Variants in ESRRB observed in about 807,000 individuals in gnomAD.
ESRRB encodes the protein steroid hormone receptor ERR2.
Under a neutral mutation model 46.0 loss-of-function variants are expected in ESRRB, and 16 were observed. The observed-to-expected ratio is 0.35, with a 90% confidence interval of 0.24 to 0.53. ESRRB has a LOEUF of 0.53. Ranked by LOEUF, ESRRB falls within the 20% of genes least tolerant of loss-of-function variation. ESRRB has a pLI of 0.93. For missense variants in ESRRB, 488 were observed against 607.4 expected, an observed-to-expected ratio of 0.80 and a Z score of 2.07; for synonymous variants, 246 against 259.6, an observed-to-expected ratio of 0.95 and a Z score of 0.50.
rs575631216 is a variant in ESRRB at position 76,410,972 on chromosome 14, C to T, written c.51-28369C>T. On this transcript the variant is annotated intron_variant, in intron 1 of 6. Transcript: ENST00000644823. ...CTAATTTTTGTATTTTTCGCAGAGA[C>T]GGGGTTTTGCCTTGTTGACCAGTCT... is the stretch of plus-strand genomic sequence containing the variant. Among the ~76,000 whole-genome samples the T allele has an allele frequency of 4.0e-5, 6 of 151,614 alleles. No homozygotes were observed. The South Asian group carries it at 1.0e-3, about 27-fold the overall frequency.
chr14:76,391,649 T>C (rs1375127141), intron 1 of ESRRB, among the ~76,000 whole-genome samples: 1 of 152,210 alleles, frequency 6.6e-6, no homozygotes, highest in African/African-American at 2.4e-5. Context: ...CAAGGGCCCA[T>C]CTGGTTCTGA....
chr14:76,473,851 A>G (rs1191776133), intron 3 of ESRRB, among the ~76,000 whole-genome samples: 1 of 152,264 alleles, frequency 6.6e-6, no homozygotes, highest in African/African-American at 2.4e-5. Context: ...AGAGGCCAGC[A>G]GAGGGGGAGC....
At chr14:76,318,884 A>G (rs1309734071) in intron 1 of ESRRB, among the ~76,000 whole-genome samples, 1 of 152,196 alleles carries the variant, frequency 6.6e-6, no homozygotes, top group Non-Finnish European at 1.5e-5. Flanking sequence ...TGAGTCACGG[A>G]TGGCTGACCA....
In ESRRB at chr14:76,347,527, C is replaced by T. The variant is rs1308365852; in HGVS notation, c.2+36611C>T. 6.4e-5 allele frequency among the ~76,000 whole-genome samples: 4 copies of T among 62,576 alleles called. 1 individual carries two copies. The highest frequency in any genetic ancestry group is 1.6e-4 in the African/African-American group (3 of 18,306). The allele number at this position is 62,576 out of a possible 152,430, so 41.1% of individuals were successfully genotyped here. A position where few individuals can be genotyped will look rare whatever the true frequency, so the allele number is the denominator to read the frequency against. ...CAATACTCTAAGCTACTATTATGGA[C>T]GCTAAAGCCAGTGCCTGCAACAGTG... On this transcript the variant is annotated intron_variant, in intron 1 of 6. Transcript: ENST00000512784.
intron 1 of ESRRB, among the ~76,000 whole-genome samples, chr14:76,431,500 C>A (rs181949990): frequency 6.6e-6 from 1 of 152,132 alleles, no homozygotes; most frequent in Non-Finnish European, 1.5e-5. Context: ...CAGGAAGAGC[C>A]CCCCAGCAAG....
At chr14:76,328,262 G>T (rs1212854594) in intron 1 of ESRRB, among the ~76,000 whole-genome samples, 1 of 152,182 alleles carries the variant, frequency 6.6e-6, no homozygotes, top group Non-Finnish European at 1.5e-5. Context: ...GACACTGTGT[G>T]CATTTTAGCA....
chr14:76,497,352 C>T (rs1003070012), intron 6 of ESRRB, among the ~76,000 whole-genome samples: 1 of 152,158 alleles, frequency 6.6e-6, no homozygotes, highest in Admixed American at 6.5e-5. Context: ...GTGCTGATCA[C>T]GCTCTGGGTA....
intron 2 of ESRRB, among the ~76,000 whole-genome samples, chr14:76,450,075 G>A (rs1320612329): frequency 6.6e-6 from 1 of 152,044 alleles, no homozygotes; most frequent in Non-Finnish European, 1.5e-5. Flanking sequence ...AATGAAGCAT[G>A]GTGACAGACT....
At chr14:76,320,024 A>T (rs950403890) in intron 1 of ESRRB, among the ~76,000 whole-genome samples, 6 of 152,180 alleles carry the variant, frequency 3.9e-5, no homozygotes, top group African/African-American at 1.4e-4. Context: ...ATATATGCTC[A>T]TTGGGATATC....
chr14:76,316,545 G>A lies in ESRRB; in HGVS notation c.2+5629G>A, dbSNP rs189177827. Among the ~76,000 whole-genome samples the A allele has an allele frequency of 4.6e-5, 7 of 152,322 alleles. No homozygotes were observed. In the East Asian group the frequency reaches 9.7e-4, roughly 21 times the overall value. On this transcript the variant is annotated intron_variant, in intron 1 of 6. Transcript: ENST00000512784. Reference sequence around the variant, plus strand: ...GTGCCTGGCACATAGTATGTGTTCAGTAAACACATGCAGAGTGAATTGCAG... The same window carrying A: ...GTGCCTGGCACATAGTATGTGTTCAATAAACACATGCAGAGTGAATTGCAG...
At chr14:76,326,433 C>A (rs925872663) in intron 1 of ESRRB, among the ~76,000 whole-genome samples, 1 of 152,166 alleles carries the variant, frequency 6.6e-6, no homozygotes, top group African/African-American at 2.4e-5. Flanking sequence ...GTTAATCTGC[C>A]TCTTTGCACT....
Position 76,498,225 on chromosome 14 carries a change from A to T in ESRRB, c.1132A>T (p.Ile378Phe). 6.2e-7 allele frequency: 1 copy of T among 1,613,764 alleles called. No individual in the cohort carries two copies. Among genetic ancestry groups the T allele is most frequent in the East Asian group, 2.2e-5 (1 of 44,874 alleles). The change falls in exon 7 of 7, where the codon ATC becomes TTC. Residue 378 changes from isoleucine to phenylalanine, a missense_variant. By Grantham distance (21) the Ile-to-Phe change is conservative (BLOSUM62 0). Transcript: ENST00000644823. ...CCTTGTGCCTGCAGATTCCATGTAC[A>T]TCGAGGATCTAGAGGCTGTCCAGAA... Reference protein sequence around the residue: ...LALANSDSMYIEDLEAVQKLQ... With the variant: ...LALANSDSMYFEDLEAVQKLQ...
At chr14:76,441,508 C>T (rs1158083592) in intron 2 of ESRRB, among the ~76,000 whole-genome samples, 1 of 152,110 alleles carries the variant, frequency 6.6e-6, no homozygotes, top group African/African-American at 2.4e-5. Context: ...GATGGAGTCT[C>T]ACCATGTAGC....
intron 1 of ESRRB, among the ~76,000 whole-genome samples, chr14:76,421,289 G>A (rs1253178185): frequency 6.6e-6 from 1 of 152,194 alleles, no homozygotes; most frequent in Non-Finnish European, 1.5e-5. Context: ...ATGGCTTAGA[G>A]GGCAAATCTT....
intron 1 of ESRRB, chr14:76,310,978 T>TTCTCTC (rs68079657): frequency 0.034 from 12,053 of 359,592 alleles, 213 homozygotes; most frequent in East Asian, 0.065. Flanking sequence ...TCTGTCCCCT[T>TTCTCTC]TCTCTCTCTC....
chr14:76,473,412 C>G (rs36092586), intron 3 of ESRRB, among the ~76,000 whole-genome samples: 32,538 of 152,188 alleles, frequency 0.21, 3,789 homozygotes, highest in Middle Eastern at 0.32. Context: ...TGACCTCAGA[C>G]CTGGATAGTA....
intron 1 of ESRRB, among the ~76,000 whole-genome samples, chr14:76,398,720 T>C (rs1425015400): frequency 6.6e-6 from 1 of 152,190 alleles, no homozygotes; most frequent in East Asian, 1.9e-4. Context: ...CAGATACACA[T>C]GCTGATAGAA....
At chr14:76,398,887 C>T (rs1177371360) in intron 1 of ESRRB, among the ~76,000 whole-genome samples, 1 of 152,304 alleles carries the variant, frequency 6.6e-6, no homozygotes, top group East Asian at 1.9e-4. Context: ...AACTCACCAC[C>T]ACCATCCTGC....
At chr14:76,480,934 T>C (rs895116815) in intron 3 of ESRRB, among the ~76,000 whole-genome samples, 7 of 152,184 alleles carry the variant, frequency 4.6e-5, no homozygotes, top group Non-Finnish European at 7.3e-5. Context: ...TTCTTGTGTG[T>C]TTCAGTCAAG....
Sources: gnomAD v4.1 joint callset for allele counts (sites outside exome capture counted in the v4.1 genomes callset) on GRCh38, gnomAD v4.1.1 for gene constraint, MANE v1.5 for transcripts, NCBI Gene and HGNC (gene_info 2026-07-23, HGNC 2026-07-21) for gene names.